Variants in SNTG1 observed in about 807,000 individuals in gnomAD.
The protein encoded by SNTG1 is syntrophin gamma 1.
A neutral mutation model predicts 74.7 loss-of-function variants in SNTG1; 39 were observed. The observed-to-expected ratio is 0.52, with a 90% CI of 0.40 to 0.68. The LOEUF is 0.68. Among genes scored for constraint, SNTG1 ranks in the 30% least tolerant of loss-of-function variants. SNTG1 has a pLI of 0.00. For synonymous variants in SNTG1, 254 were observed against 217.1 expected (o/e 1.17, Z -1.49); for missense variants, 685 against 609.5 (o/e 1.12, Z -1.30).
Position 50,740,461 on chromosome 8 carries a change from GAAACA to G in SNTG1, c.1285-11516_1285-11512del, listed in dbSNP as rs542834428. ...ACACCTGCCAGAATGGCTACCATTAGAAACAAAACAAAACAAAACAAAACAAAAAC... is the reference window on the plus strand; with the variant it reads ...ACACCTGCCAGAATGGCTACCATTAGAAACAAAACAAAACAAAACAAAAAC... On this transcript the variant is annotated intron_variant, in intron 17 of 18. Transcript: ENST00000642720. Among the ~76,000 whole-genome samples, 367 of 150,444 alleles carry G rather than the reference GAAACA, an allele frequency of 2.4e-3. 2 individuals carry two copies. The highest frequency in any genetic ancestry group is 7.6e-3 in the African/African-American group (315 of 41,192).
chr8:50,552,971 T>C (rs1334955182), intron 11 of SNTG1, 79 bp from the exon 12 acceptor site: 23 of 1,538,148 alleles, frequency 1.5e-5, no homozygotes, highest in Non-Finnish European at 1.9e-5. Flanking sequence ...AAAGATAAGC[T>C]TTTCAACAGA....
intron 1 of SNTG1, among the ~76,000 whole-genome samples, chr8:50,005,602 A>G (rs1203781577): frequency 6.6e-6 from 1 of 152,214 alleles, no homozygotes; most frequent in Admixed American, 6.5e-5. Context: ...ACATACAAAT[A>G]CATAATTACA....
At position 50,438,626 on chromosome 8, in the gene SNTG1, AC is replaced by A. The variant is rs1318739480; in HGVS notation, c.219+28del. On this transcript the variant is annotated intron_variant, in intron 5 of 18. Coordinates refer to ENST00000642720, the MANE Select transcript of SNTG1 (RefSeq NM_018967.5). Reference sequence around the variant, plus strand: ...TAGCCTGCCTTTCTAGTCTATCCTTACAAAGGCCATGCCATAAGAGCTGAAC... The same window carrying A: ...TAGCCTGCCTTTCTAGTCTATCCTTAAAAGGCCATGCCATAAGAGCTGAAC... 6 of 1,588,664 alleles carry A rather than the reference AC, an allele frequency of 3.8e-6. No homozygotes were observed. The East Asian group carries it at 1.3e-4, about 36-fold the overall frequency.
At chr8:50,148,474 T>G (rs779108935) in intron 1 of SNTG1, among the ~76,000 whole-genome samples, 4 of 152,212 alleles carry the variant, frequency 2.6e-5, no homozygotes, top group Non-Finnish European at 4.4e-5. Context: ...TTGTTACATA[T>G]GTATACATAT....
chr8:50,304,048 A>G (rs2089771089), intron 2 of SNTG1, among the ~76,000 whole-genome samples: 1 of 152,162 alleles, frequency 6.6e-6, no homozygotes, highest in Non-Finnish European at 1.5e-5. Context: ...TCCAAAACTC[A>G]TGTTGAAATT....
chr8:50,659,482 A>T (rs1455514794), intron 15 of SNTG1, among the ~76,000 whole-genome samples: 1 of 152,156 alleles, frequency 6.6e-6, no homozygotes, highest in South Asian at 2.1e-4. Context: ...GAGTAGAAAA[A>T]TGCTGAAACA....
chr8:50,694,158 T>A (rs1024011948), intron 15 of SNTG1, among the ~76,000 whole-genome samples: 4 of 151,482 alleles, frequency 2.6e-5, no homozygotes, highest in Non-Finnish European at 2.9e-5. Flanking sequence ...AAATGAAGTT[T>A]TTTTTTTTGA....
intron 12 of SNTG1, among the ~76,000 whole-genome samples, chr8:50,565,451 A>T (rs1174972519): frequency 6.6e-6 from 1 of 152,070 alleles, no homozygotes; most frequent in Admixed American, 6.6e-5. Flanking sequence ...CTGTTCTATA[A>T]CTGTATGTTT....
chr8:50,555,002 C>A (rs1036392298), intron 12 of SNTG1, among the ~76,000 whole-genome samples: 1 of 152,096 alleles, frequency 6.6e-6, no homozygotes, highest in Non-Finnish European at 1.5e-5. Context: ...AACGTCTATT[C>A]AGTTAGAATG....
chr8:50,181,720 T>C (rs1449909802), intron 2 of SNTG1, among the ~76,000 whole-genome samples: 1 of 152,212 alleles, frequency 6.6e-6, no homozygotes, highest in African/African-American at 2.4e-5. Flanking sequence ...AAGCAAAATT[T>C]AATCTGTTAA....
At chr8:50,421,463 C>T (rs1027904856) in intron 4 of SNTG1, among the ~76,000 whole-genome samples, 4 of 152,106 alleles carry the variant, frequency 2.6e-5, no homozygotes, top group African/African-American at 7.2e-5. Context: ...CCAGAGGCCA[C>T]TCGTCACCAT....
chr8:49,928,526 C>T (rs917199576), intron 1 of SNTG1, among the ~76,000 whole-genome samples: 6 of 152,078 alleles, frequency 3.9e-5, no homozygotes, highest in East Asian at 1.9e-4. Context: ...CCACCGCGAC[C>T]GGCCAGAGAT....
chr8:50,509,961 G>A (rs1291537698), intron 9 of SNTG1, among the ~76,000 whole-genome samples: 3 of 152,148 alleles, frequency 2.0e-5, no homozygotes, highest in Admixed American at 6.6e-5. Flanking sequence ...ATGTTGAATA[G>A]GAGTGGTGAG....
intron 13 of SNTG1, among the ~76,000 whole-genome samples, chr8:50,594,516 G>A (rs903321082): frequency 5.9e-5 from 9 of 151,790 alleles, no homozygotes; most frequent in South Asian, 2.1e-4. Flanking sequence ...ATTAGCTCTG[G>A]TAGCTATTCC....
At chr8:50,176,733 T>A (rs1041268154) in intron 2 of SNTG1, among the ~76,000 whole-genome samples, 2 of 152,204 alleles carry the variant, frequency 1.3e-5, no homozygotes, top group East Asian at 3.8e-4. Context: ...TTCAGAAAAA[T>A]TGATCAACTG....
At chr8:50,151,378 A>AT (rs1176318889) in intron 1 of SNTG1, among the ~76,000 whole-genome samples, 8 of 152,004 alleles carry the variant, frequency 5.3e-5, no homozygotes, top group Admixed American at 4.6e-4. Flanking sequence ...GGTTTCACTG[A>AT]TTTTTTTAAA....
intron 3 of SNTG1, among the ~76,000 whole-genome samples, chr8:50,398,509 C>G (rs2092757898): frequency 6.6e-6 from 1 of 152,190 alleles, no homozygotes; most frequent in Admixed American, 6.5e-5. Context: ...TAATTTTTTT[C>G]AAGACAAACC....
intron 8 of SNTG1, among the ~76,000 whole-genome samples, chr8:50,463,597 A>G (rs1180983296): frequency 3.3e-5 from 5 of 152,202 alleles, no homozygotes; most frequent in Non-Finnish European, 7.3e-5. Flanking sequence ...AGTGAGCTTA[A>G]AATATTTAGT....
At chr8:50,676,524 T>G (rs2095310328) in intron 15 of SNTG1, among the ~76,000 whole-genome samples, 1 of 151,972 alleles carries the variant, frequency 6.6e-6, no homozygotes, top group African/African-American at 2.4e-5. Flanking sequence ...AGTTAACAGT[T>G]CCTCTAACCT....
Sources: gnomAD v4.1 joint callset for allele counts (sites outside exome capture counted in the v4.1 genomes callset) on GRCh38, gnomAD v4.1.1 for gene constraint, MANE v1.5 for transcripts, NCBI Gene and HGNC (gene_info 2026-07-23, HGNC 2026-07-21) for gene names.